Variants in RYR1 observed in about 807,000 individuals in gnomAD.
RYR1 encodes central core disease of muscle.
A neutral mutation model predicts 583.5 loss-of-function variants in RYR1; 342 were observed. The observed-to-expected ratio is 0.59, with a 90% CI of 0.54 to 0.64. The LOEUF is 0.64. Among genes scored for constraint, RYR1 ranks in the 30% least tolerant of loss-of-function variants. The pLI is 0.00. For missense variants in RYR1, 6,032 were observed against 6,917.2 expected (o/e 0.87, Z 4.54); for synonymous variants, 2,791 against 2,822.5 (o/e 0.99, Z 0.35).
At chr19:38,439,658 C>T (rs6508800) in intron 1 of RYR1, among the ~76,000 whole-genome samples, 110,483 of 151,720 alleles carry the variant, frequency 0.73, 41,599 homozygotes, top group Non-Finnish European at 0.83. Context: ...AGGCGTGCAC[C>T]ACCACACCCC....
Position 38,444,525 on chromosome 19 carries a change from C to T in RYR1, c.538-59C>T. On this transcript the variant is annotated intron_variant, in intron 6 of 105. Coordinates refer to ENST00000359596, the MANE Select transcript of RYR1 (RefSeq NM_000540.3). This position sits in a 1 kb window ranked among gnomAD's most constrained non-coding sequence, Gnocchi z 5.1. ...CACCCTTGATTTCTGGCCTCTGACG[C>T]TGGGACTCTCGCCCACCCCTGCAAT... 6.8e-7 allele frequency: 1 copy of T among 1,471,066 alleles called. No individual in the cohort carries two copies. The highest frequency in any genetic ancestry group is 9.4e-7 in the Non-Finnish European group (1 of 1,060,260). 91.1% of individuals were successfully genotyped at this position (1,471,066 alleles called of 1,614,324 possible). A position where few individuals can be genotyped will look rare whatever the true frequency, so the allele number is the denominator to read the frequency against.
chr19:38,487,593 C>T (rs978228249), intron 34 of RYR1, among the ~76,000 whole-genome samples: 1 of 151,950 alleles, frequency 6.6e-6, no homozygotes, highest in Admixed American at 6.6e-5. Flanking sequence ...ACTTTGTGAT[C>T]TGCCCACCTC....
Position 38,458,213 on chromosome 19 carries a change from G to A in RYR1, c.2088G>A (p.Gly696=). The change falls in exon 18 of 106, where the codon GGG becomes GGA. Residue 696 remains glycine (G), a synonymous_variant. Transcript: ENST00000359596. ...CCGAGGGCTACACCCCCTACCCTGG[G>A]GCCGGCGAGGGCTGGGGCGGCAACG... The part of the protein sequence containing the change: ...ALTEGYTPYP[G]AGEGWGGNGV... The A allele has an allele frequency of 1.2e-6, 2 of 1,613,948 alleles. No individual in the cohort carries two copies. Among genetic ancestry groups the A allele is most frequent in the Non-Finnish European group, 1.7e-6 (2 of 1,180,018 alleles).
At chr19:38,462,868 A>G (rs1275312809) in intron 20 of RYR1, among the ~76,000 whole-genome samples, 4 of 147,206 alleles carry the variant, frequency 2.7e-5, no homozygotes, top group Admixed American at 6.8e-5. Context: ...CCCGTCCCAG[A>G]TAATTCCTTA....
intron 89 of RYR1, among the ~76,000 whole-genome samples, chr19:38,555,189 G>A (rs895000297): frequency 1.3e-5 from 2 of 152,006 alleles, no homozygotes; most frequent in Non-Finnish European, 1.5e-5. Context: ...GGTGGGTCAC[G>A]CCTGTAATCC....
Position 38,473,526 on chromosome 19 carries a change from G to C in RYR1, c.3915G>C (p.Gly1305=). The stretch of plus-strand genomic sequence containing the variant: ...ACCAGCACTTCCGCTGCACTGCAGG[G>C]GCCACCCCGCTGGCACCTCCTGGCC... The part of the protein sequence containing the change: ...QFHQHFRCTA[G]ATPLAPPGLQ... Residue 1305 remains glycine (G), a synonymous_variant, in exon 28 of 106, where the codon GGG becomes GGC. Coordinates refer to ENST00000359596, the MANE Select transcript of RYR1 (RefSeq NM_000540.3). The C allele has an allele frequency of 1.2e-6, 2 of 1,612,004 alleles. No homozygotes were observed. The highest frequency in any genetic ancestry group is 1.7e-6 in the Non-Finnish European group (2 of 1,179,338).
Position 38,448,722 on chromosome 19 carries a change from T to C in RYR1, c.1031T>C (p.Leu344Pro). The part of the protein sequence containing the change: ...GPPEIKYGES[L>P]CFVQHVASGL... ...CCTGAGATCAAGTACGGGGAGTCAC[T>C]GTGCTTCGTGCAGCATGTGGCCTCA... The change falls in exon 11 of 106, where the codon CTG (leucine) becomes CCG (proline). Residue 344 changes from leucine to proline, a missense_variant. Leu to Pro is a moderately conservative substitution (Grantham distance 98). This residue lies in a region of RYR1 where 338 missense variants were observed against 441.6 expected (regional missense o/e 0.77). Coordinates refer to ENST00000359596, the MANE Select transcript of RYR1 (RefSeq NM_000540.3). 1 of 1,614,240 alleles carries C rather than the reference T, an allele frequency of 6.2e-7. No homozygotes were observed. The highest frequency in any genetic ancestry group is 8.5e-7 in the Non-Finnish European group (1 of 1,180,038).
Position 38,515,181 on chromosome 19 carries a change from G to A in RYR1, c.9554+74G>A. On this transcript the variant is annotated intron_variant, in intron 64 of 105. Coordinates refer to ENST00000359596, the MANE Select transcript of RYR1 (RefSeq NM_000540.3). ...GGGAGGGAGCAGGGGAAGAAGATGG[G>A]GTGGGTGAAAAGCAGGGTAGATGTT... 7.3e-6 allele frequency: 8 copies of A among 1,094,584 alleles called. No homozygotes were observed. In the South Asian group the frequency reaches 1.0e-4, roughly 14 times the overall value. 67.8% of individuals were successfully genotyped at this position (1,094,584 alleles called of 1,614,324 possible).
In RYR1 at chr19:38,438,616, CTTTTT is replaced by C. The variant is rs71165544; in HGVS notation, c.46-2113_46-2109del. Among the ~76,000 whole-genome samples, 820 of 93,962 alleles carry C rather than the reference CTTTTT, an allele frequency of 8.7e-3. 16 individuals are homozygous for C. The highest frequency in any genetic ancestry group is 0.032 in the African/African-American group (788 of 24,350). The allele number at this position is 93,962 out of a possible 152,430, so 61.6% of individuals were successfully genotyped here. A position where few individuals can be genotyped will look rare whatever the true frequency, so the allele number is the denominator to read the frequency against. On this transcript the variant is annotated intron_variant, in intron 1 of 105. Coordinates refer to ENST00000359596, the MANE Select transcript of RYR1 (RefSeq NM_000540.3). Reference sequence around the variant, plus strand: ...CATTATGTATATTGCCCAGGCTAGTCTTTTTTTTTTTTTTTTTTTTGAGATGGAGT... The same window carrying C: ...CATTATGTATATTGCCCAGGCTAGTCTTTTTTTTTTTTTTTGAGATGGAGT...
At chr19:38,505,779 A>T in intron 53 of RYR1, 27 bp from the exon 54 acceptor site, 1 of 1,613,738 alleles carries the variant, frequency 6.2e-7, no homozygotes, top group South Asian at 1.1e-5. Flanking sequence ...CCATTCCACC[A>T]ACTCCCCACC....
chr19:38,526,913 TG>T, intron 71 of RYR1, 79 bp from the exon 72 acceptor site: 1 of 1,492,898 alleles, frequency 6.7e-7, no homozygotes, highest in Non-Finnish European at 9.3e-7. Flanking sequence ...CCTGGGGTGC[TG>T]GGCCTGGAAG....
intron 101 of RYR1, among the ~76,000 whole-genome samples, chr19:38,581,230 A>G (rs1377250020): frequency 6.6e-6 from 1 of 152,024 alleles, no homozygotes; most frequent in East Asian, 1.9e-4. Context: ...GGCGCCCGCC[A>G]CCACGCCTGG....
Position 38,517,395 on chromosome 19 carries a change from C to T in RYR1, c.9722C>T (p.Pro3241Leu). ...CCCAACAGTGTGGAGGAGATGTGTC[C>T]CGACATCCCGGTGCTGGAGCGGCTC... The part of the protein sequence containing the change: ...GLPNSVEEMC[P>L]DIPVLERLMA... Residue 3241 changes from proline to leucine, a missense_variant, in exon 66 of 106, where the codon CCC (proline) becomes CTC (leucine). Pro to Leu is a moderately conservative substitution (Grantham distance 98). Around this residue, in one of 11 missense-constraint regions of RYR1, gnomAD observed 1,493 missense variants for 1,715.5 expected, o/e 0.87. Coordinates refer to ENST00000359596, the MANE Select transcript of RYR1 (RefSeq NM_000540.3). 6.2e-7 allele frequency: 1 copy of T among 1,614,060 alleles called. No homozygotes were observed. Among genetic ancestry groups the T allele is most frequent in the Non-Finnish European group, 8.5e-7 (1 of 1,180,014 alleles).
chr19:38,524,071 T>G (rs1971352985), intron 70 of RYR1, 142 bp downstream of exon 70: 2 of 737,968 alleles, frequency 2.7e-6, no homozygotes, highest in East Asian at 6.5e-5. Context: ...CCATCCTCCT[T>G]CCCTTCCCTT....
chr19:38,446,640 G>A (rs1972956012), intron 8 of RYR1, 54 bp from the exon 9 acceptor site: 5 of 1,604,772 alleles, frequency 3.1e-6, no homozygotes, highest in Non-Finnish European at 4.3e-6. Context: ...GTAGGATTAG[G>A]GACCAGATTC....
intron 63 of RYR1, among the ~76,000 whole-genome samples, chr19:38,513,864 C>T (rs1388994397): frequency 6.6e-6 from 1 of 152,144 alleles, no homozygotes; most frequent in Non-Finnish European, 1.5e-5. Context: ...AACCTCATCC[C>T]TTAATGTTCA....
At chr19:38,568,666 C>T (rs112703284) in intron 93 of RYR1, among the ~76,000 whole-genome samples, 8 of 149,830 alleles carry the variant, frequency 5.3e-5, no homozygotes, top group Admixed American at 2.7e-4. Context: ...GCATGAGAAT[C>T]GCTTGAACCC....
intron 84 of RYR1, among the ~76,000 whole-genome samples, chr19:38,541,639 C>T (rs549668377): frequency 6.7e-6 from 1 of 148,794 alleles, no homozygotes; most frequent in African/African-American, 2.5e-5. Context: ...TTGCTTGAAC[C>T]TGGGAGGCAG....
intron 84 of RYR1, 82 bp downstream of exon 84, chr19:38,538,042 C>G: frequency 1.5e-6 from 2 of 1,294,744 alleles, no homozygotes; most frequent in South Asian, 1.2e-5. Context: ...GTTTCCGCCC[C>G]TCCTCCTCCC....
Sources: gnomAD v4.1 joint callset for allele counts (sites outside exome capture counted in the v4.1 genomes callset) on GRCh38, gnomAD v4.1.1 for gene constraint, gnomAD v4.1.1 regional missense constraint, Gnocchi (gnomAD v3.1) non-coding constraint, MANE v1.5 for transcripts, NCBI Gene and HGNC (gene_info 2026-07-23, HGNC 2026-07-21) for gene names.